SPAG16: variants seen among roughly 807,000 people sequenced by gnomAD.
SPAG16 encodes the protein sperm associated antigen 16, also known as sperm-associated antigen 16 protein.
A neutral mutation model predicts 80.4 loss-of-function variants in SPAG16; 86 were observed. The observed-to-expected ratio is 1.07, with a 90% CI of 0.90 to 1.28. The LOEUF is 1.28. Ranked by LOEUF, SPAG16 falls within the 50% of genes most tolerant of loss-of-function variation. The pLI is 0.00. For missense variants in SPAG16, 870 were observed against 765.3 expected (o/e 1.14, Z -1.61); for synonymous variants, 294 against 265.9 (o/e 1.11, Z -1.03).
intron 15 of SPAG16, among the ~76,000 whole-genome samples, chr2:214,400,597 C>A (rs1384383283): frequency 1.3e-5 from 2 of 151,748 alleles, no homozygotes; most frequent in Admixed American, 1.3e-4. Flanking sequence ...GAACCAACAA[C>A]CCCATAGATA....
At chr2:213,847,422 G>C (rs2125773292) in intron 10 of SPAG16, among the ~76,000 whole-genome samples, 1 of 152,294 alleles carries the variant, frequency 6.6e-6, no homozygotes, top group Middle Eastern at 3.4e-3. Context: ...GGAAGGCAAA[G>C]AGGGGCTGGC....
intron 11 of SPAG16, among the ~76,000 whole-genome samples, chr2:213,890,182 T>G (rs931707240): frequency 7.2e-5 from 11 of 152,062 alleles, no homozygotes; most frequent in Non-Finnish European, 1.6e-4. Context: ...AGGACACTTT[T>G]TAGAAAATTT....
chr2:213,887,061 A>G (rs1486046942), intron 11 of SPAG16, among the ~76,000 whole-genome samples: 1 of 152,114 alleles, frequency 6.6e-6, no homozygotes, highest in Non-Finnish European at 1.5e-5. Flanking sequence ...TTTTAGACCT[A>G]CATAAGAGTT....
chr2:213,915,903 T>C (rs908845192), intron 11 of SPAG16, among the ~76,000 whole-genome samples: 1 of 152,232 alleles, frequency 6.6e-6, no homozygotes, highest in African/African-American at 2.4e-5. Flanking sequence ...GTTTGTTGGC[T>C]GCATAAATAT....
At chr2:214,345,486 A>T (rs571026338) in intron 15 of SPAG16, among the ~76,000 whole-genome samples, 2 of 152,166 alleles carry the variant, frequency 1.3e-5, no homozygotes, top group African/African-American at 4.8e-5. Context: ...TTTTCTTCTA[A>T]AACAATTTTT....
intron 10 of SPAG16, among the ~76,000 whole-genome samples, chr2:213,674,726 A>G (rs1358160980): frequency 1.3e-5 from 2 of 150,328 alleles, no homozygotes; most frequent in South Asian, 2.1e-4. Context: ...ATCATTTTTT[A>G]TGGCTGCATA....
At chr2:213,910,395 A>T (rs1341194456) in intron 11 of SPAG16, among the ~76,000 whole-genome samples, 1 of 152,234 alleles carries the variant, frequency 6.6e-6, no homozygotes, top group Non-Finnish European at 1.5e-5. Flanking sequence ...AAAACAAAAC[A>T]AAAGTCTTAA....
At chr2:213,970,941 A>C (rs1402358867) in intron 12 of SPAG16, among the ~76,000 whole-genome samples, 1 of 152,156 alleles carries the variant, frequency 6.6e-6, no homozygotes, top group African/African-American at 2.4e-5. Context: ...AATCATATTA[A>C]TGTTATACTT....
intron 15 of SPAG16, among the ~76,000 whole-genome samples, chr2:214,308,108 T>C (rs184488552): frequency 0.01 from 1,482 of 147,944 alleles, 18 homozygotes; most frequent in Non-Finnish European, 0.014. Context: ...TAGTTAGCTC[T>C]TCTTGTTGAG....
At chr2:214,306,116 G>A (rs1251818295) in intron 15 of SPAG16, among the ~76,000 whole-genome samples, 2 of 152,086 alleles carry the variant, frequency 1.3e-5, no homozygotes, top group Non-Finnish European at 2.9e-5. Flanking sequence ...GTATTCCTAG[G>A]CATTTTATTC....
chr2:213,976,131 T>G (rs1221575078), intron 12 of SPAG16, among the ~76,000 whole-genome samples: 1 of 105,000 alleles, frequency 9.5e-6, no homozygotes, highest in Non-Finnish European at 1.9e-5. Context: ...TATATATATA[T>G]ATATACACAC....
chr2:213,355,831 C>CT (rs1486781731), intron 7 of SPAG16, among the ~76,000 whole-genome samples: 1 of 152,200 alleles, frequency 6.6e-6, no homozygotes, highest in Admixed American at 6.5e-5. Context: ...TTGACTCCCT[C>CT]TTTTTCTAAT....
intron 11 of SPAG16, among the ~76,000 whole-genome samples, chr2:213,908,672 G>C (rs569368234): frequency 2.0e-5 from 3 of 151,962 alleles, no homozygotes; most frequent in African/African-American, 7.2e-5. Context: ...CAAAGGAAGA[G>C]TATAGTATTT....
At chr2:213,846,129 T>A (rs1171816963) in intron 10 of SPAG16, among the ~76,000 whole-genome samples, 3 of 152,188 alleles carry the variant, frequency 2.0e-5, no homozygotes, top group African/African-American at 7.2e-5. Flanking sequence ...ATCCAAAATA[T>A]TTTTTAAACT....
chr2:213,861,890 T>C (rs2075481786), intron 10 of SPAG16, among the ~76,000 whole-genome samples: 1 of 152,216 alleles, frequency 6.6e-6, no homozygotes, highest in Non-Finnish European at 1.5e-5. Context: ...TTCATTACTG[T>C]AATTTGTGTA....
intron 7 of SPAG16, among the ~76,000 whole-genome samples, chr2:213,358,627 C>T (rs1049322304): frequency 6.6e-6 from 1 of 152,178 alleles, no homozygotes; most frequent in South Asian, 2.1e-4. Context: ...AAGGTCTTCT[C>T]TGTACTGTTT....
At chr2:213,586,352 TGATA>T (rs1653668592) in intron 10 of SPAG16, among the ~76,000 whole-genome samples, 1 of 152,188 alleles carries the variant, frequency 6.6e-6, no homozygotes, top group African/African-American at 2.4e-5. Flanking sequence ...GCTTTCTGTT[TGATA>T]GATAGTGCCT....
chr2:213,911,835 CAAAAA>C (rs10644766), intron 11 of SPAG16, among the ~76,000 whole-genome samples: 3 of 126,146 alleles, frequency 2.4e-5, no homozygotes, highest in Non-Finnish European at 3.2e-5. Flanking sequence ...AAACAGTTAG[CAAAAA>C]AAAAAAAAAA....
intron 11 of SPAG16, among the ~76,000 whole-genome samples, chr2:213,899,333 T>C (rs1485161894): frequency 6.6e-6 from 1 of 152,096 alleles, no homozygotes; most frequent in Non-Finnish European, 1.5e-5. Context: ...AAGGATGATA[T>C]CCCTTATATA....
Sources: gnomAD v4.1 joint callset for allele counts (sites outside exome capture counted in the v4.1 genomes callset) on GRCh38, gnomAD v4.1.1 for gene constraint, MANE v1.5 for transcripts, NCBI Gene and HGNC (gene_info 2026-07-23, HGNC 2026-07-21) for gene names.